CEP63: variants seen among roughly 807,000 people sequenced by gnomAD.
The protein encoded by CEP63 is centrosomal protein 63, also known as centrosomal protein of 63 kDa.
Under a neutral mutation model 89.1 loss-of-function variants are expected in CEP63, and 84 were observed. The ratio of observed to expected loss-of-function variants is 0.94; its 90% CI spans 0.79 to 1.13. CEP63 has a LOEUF of 1.13. Among genes scored for constraint, CEP63 ranks in the 50% most tolerant of loss-of-function variants. The pLI, the probability that CEP63 is intolerant of heterozygous loss-of-function variation, is 0.00. For missense variants in CEP63, 838 were observed against 813.3 expected (o/e 1.03, Z -0.37); for synonymous variants, 267 against 272.5 (o/e 0.98, Z 0.20).
At chr3:134,704,415 G>GGA in the CEP63 span, among the ~76,000 whole-genome samples, 3 of 151,430 alleles carry the variant, frequency 2.0e-5, no homozygotes, top group East Asian at 1.9e-4. Flanking sequence ...AGGGAAAGAG[G>GGA]GAGAGAGAGA....
chr3:134,678,648 T>A, the CEP63 span, among the ~76,000 whole-genome samples: 1 of 152,228 alleles, frequency 6.6e-6, no homozygotes, highest in African/African-American at 2.4e-5. Context: ...GTGGGTTCTA[T>A]AAGTGTCCTC....
the CEP63 span, among the ~76,000 whole-genome samples, chr3:134,655,454 ACT>A: frequency 2.0e-5 from 3 of 150,706 alleles, no homozygotes; most frequent in Non-Finnish European, 4.5e-5. Context: ...GCACTTGTGA[ACT>A]CTCTGTGTGC....
the CEP63 span, among the ~76,000 whole-genome samples, chr3:134,642,963 G>A: frequency 6.6e-6 from 1 of 152,316 alleles, no homozygotes; most frequent in East Asian, 1.9e-4. Context: ...TAATTTACAT[G>A]AGAATAAGTG....
the CEP63 span, chr3:134,608,348 G>A: frequency 7.6e-7 from 1 of 1,316,232 alleles, no homozygotes; most frequent in Non-Finnish European, 9.9e-7. Flanking sequence ...CAGGCTGTGT[G>A]TTCAGCCTTC....
chr3:134,650,634 G>C, the CEP63 span, among the ~76,000 whole-genome samples: 2 of 152,124 alleles, frequency 1.3e-5, no homozygotes, highest in South Asian at 2.1e-4. Flanking sequence ...GGGGCTGCGC[G>C]TTGCCACGGG....
At chr3:134,752,300 A>G in the CEP63 span, among the ~76,000 whole-genome samples, 1 of 152,188 alleles carries the variant, frequency 6.6e-6, no homozygotes, top group Non-Finnish European at 1.5e-5. Flanking sequence ...ACTTCCCAGG[A>G]TGACAGAGGC....
At chr3:134,710,932 G>A in the CEP63 span, among the ~76,000 whole-genome samples, 515 of 152,044 alleles carry the variant, frequency 3.4e-3, 5 homozygotes, top group African/African-American at 0.012. Context: ...ATGTTGGCCA[G>A]GATAGTCTCG....
At chr3:134,689,302 G>A in the CEP63 span, among the ~76,000 whole-genome samples, 6 of 152,134 alleles carry the variant, frequency 3.9e-5, no homozygotes, top group Non-Finnish European at 8.8e-5. Flanking sequence ...AGAAAAAAAT[G>A]TACGTAGCTG....
the CEP63 span, among the ~76,000 whole-genome samples, chr3:134,720,136 T>C: frequency 1.3e-5 from 2 of 152,086 alleles, no homozygotes; most frequent in Admixed American, 1.3e-4. Context: ...CACAATTGTC[T>C]GTCTTTTAAT....
At chr3:134,578,338 T>TTGTTTGTTTG (rs371732591), downstream of CEP63, among the ~76,000 whole-genome samples, 1 of 137,830 alleles carries the variant, frequency 7.3e-6, no homozygotes, top group Non-Finnish European at 1.5e-5. Flanking sequence ...TTTTTTTTTT[T>TTGTTTGTTTG]TTTTTTTTTG....
At chr3:134,641,272 T>G in the CEP63 span, 1 of 152,336 alleles carries the variant, frequency 6.6e-6, no homozygotes, top group Non-Finnish European at 1.5e-5. Flanking sequence ...CCAGAATCCC[T>G]GGAACCTGTG....
At chr3:134,657,410 T>G in the CEP63 span, among the ~76,000 whole-genome samples, 54 of 152,214 alleles carry the variant, frequency 3.5e-4, no homozygotes, top group Non-Finnish European at 7.2e-4. Flanking sequence ...ATGAATATTT[T>G]TATTTAAAAA....
In CEP63 at chr3:134,559,065, A is replaced by T. The variant is rs1421739818; in HGVS notation, c.1674-85A>T. 8 of 1,418,386 alleles carry T rather than the reference A, an allele frequency of 5.6e-6. No homozygotes were observed. The East Asian group carries it at 1.8e-4, about 32-fold the overall frequency. 87.9% of individuals were successfully genotyped at this position (1,418,386 alleles called of 1,614,324 possible). ...AAATTGTAGCCTTATTAGTTAGGCT[A>T]TTAAGCAAATTTCCTACATTTCTGT... On this transcript the variant is annotated intron_variant, in intron 13 of 14. Transcript: ENST00000675561.
At chr3:134,752,905 ACT>A in the CEP63 span, among the ~76,000 whole-genome samples, 2 of 151,448 alleles carry the variant, frequency 1.3e-5, no homozygotes, top group Non-Finnish European at 2.9e-5. Flanking sequence ...GCTCTGCCCC[ACT>A]CTCTGCCTAC....
At chr3:134,675,281 A>G in the CEP63 span, among the ~76,000 whole-genome samples, 1 of 152,234 alleles carries the variant, frequency 6.6e-6, no homozygotes. Context: ...ACAAACAGGG[A>G]AAGAGTAATA....
chr3:134,667,769 G>C, the CEP63 span, among the ~76,000 whole-genome samples: 1 of 152,184 alleles, frequency 6.6e-6, no homozygotes, highest in African/African-American at 2.4e-5. Context: ...CCAGTGGCCA[G>C]GTTCTCTTCT....
the CEP63 span, among the ~76,000 whole-genome samples, chr3:134,631,828 A>C: frequency 6.6e-6 from 1 of 152,138 alleles, no homozygotes; most frequent in East Asian, 1.9e-4. Flanking sequence ...ACCTAAATAC[A>C]AATGTATCAG....
intron 3 of CEP63, among the ~76,000 whole-genome samples, chr3:134,521,973 C>G (rs528495765): frequency 3.3e-5 from 5 of 152,236 alleles, no homozygotes; most frequent in African/African-American, 1.2e-4. Flanking sequence ...TTCAGCTGGA[C>G]TTGGGGGAGC....
At chr3:134,631,697 A>G in the CEP63 span, among the ~76,000 whole-genome samples, 2 of 152,156 alleles carry the variant, frequency 1.3e-5, no homozygotes, top group African/African-American at 2.4e-5. Flanking sequence ...AATACATACA[A>G]AAATAGCTAT....
Sources: allele counts gnomAD v4.1 joint callset (sites outside exome capture counted in the v4.1 genomes callset), GRCh38; gene constraint gnomAD v4.1.1; transcripts MANE v1.5; gene names NCBI Gene and HGNC (gene_info 2026-07-23, HGNC 2026-07-21).